The following ROBO1 variants were observed in gnomAD, a reference collection of about 807,000 sequenced individuals.
The protein encoded by ROBO1 is roundabout homolog 1.
Under a neutral mutation model 195.9 loss-of-function variants are expected in ROBO1, and 149 were observed. The ratio of observed to expected loss-of-function variants is 0.76; its 90% CI spans 0.67 to 0.87. ROBO1 has a LOEUF of 0.87. ROBO1 is among the 40% of genes least tolerant of loss of function. ROBO1 has a pLI of 0.00. For synonymous variants in ROBO1, 816 were observed against 733.2 expected, an observed-to-expected ratio of 1.11 and a Z score of -1.82; for missense variants, 1,933 against 2,068.3, an observed-to-expected ratio of 0.93 and a Z score of 1.27.
At chr3:79,513,050 A>G (rs1940784743) in intron 2 of ROBO1, among the ~76,000 whole-genome samples, 1 of 152,170 alleles carries the variant, frequency 6.6e-6, no homozygotes, top group Admixed American at 6.5e-5. Context: ...TCAAAATCTC[A>G]TTTCAGATTA....
At chr3:79,051,937 C>T (rs1295395675) in intron 3 of ROBO1, among the ~76,000 whole-genome samples, 1 of 151,994 alleles carries the variant, frequency 6.6e-6, no homozygotes, top group Non-Finnish European at 1.5e-5. Flanking sequence ...TGTATGTTGC[C>T]TCAGGACCCT....
At position 79,620,114 on chromosome 3, in the gene ROBO1, G is replaced by A. The variant is rs560529163; in HGVS notation, c.-50-30153C>T. Among the ~76,000 whole-genome samples, 14 of 152,298 alleles carry A rather than the reference G, an allele frequency of 9.2e-5. No individual in the cohort carries two copies. In the East Asian group the frequency reaches 2.7e-3, roughly 29 times the overall value. On this transcript the variant is annotated intron_variant, in intron 1 of 30. Coordinates refer to ENST00000464233, the MANE Select transcript of ROBO1 (RefSeq NM_002941.4). Reference sequence around the variant, plus strand: ...CAAGTGCCAGAAATCTGGCCACTGGGCCAAGGAATGTCAACAGCCCAGGAT... The same window carrying A: ...CAAGTGCCAGAAATCTGGCCACTGGACCAAGGAATGTCAACAGCCCAGGAT...
At chr3:79,396,173 A>G (rs1403832472) in intron 2 of ROBO1, among the ~76,000 whole-genome samples, 1 of 152,158 alleles carries the variant, frequency 6.6e-6, no homozygotes, top group Non-Finnish European at 1.5e-5. Flanking sequence ...AAACCAAGGA[A>G]CAGCAGTATG....
At chr3:79,647,281 C>G (rs1403194440) in intron 1 of ROBO1, among the ~76,000 whole-genome samples, 1 of 151,832 alleles carries the variant, frequency 6.6e-6, no homozygotes, top group Non-Finnish European at 1.5e-5. Flanking sequence ...AACTAGAGTA[C>G]CTGAAAGCTC....
intron 2 of ROBO1, among the ~76,000 whole-genome samples, chr3:79,509,390 C>T (rs1940578484): frequency 6.6e-6 from 1 of 152,078 alleles, no homozygotes; most frequent in African/African-American, 2.4e-5. Context: ...AACTTAAAGA[C>T]TGTATCCTGT....
intron 1 of ROBO1, among the ~76,000 whole-genome samples, chr3:79,642,214 G>C (rs1354245181): frequency 1.3e-5 from 2 of 152,098 alleles, no homozygotes; most frequent in Non-Finnish European, 2.9e-5. Flanking sequence ...CAGATTATTT[G>C]AAAATACACA....
intron 29 of ROBO1, among the ~76,000 whole-genome samples, chr3:78,603,281 G>A (rs1469779079): frequency 3.3e-5 from 5 of 151,798 alleles, no homozygotes; most frequent in South Asian, 2.1e-4. Flanking sequence ...ATAGACCTTC[G>A]GGCTTTTTAT....
chr3:78,655,236 A>G (rs1706930750), intron 18 of ROBO1, among the ~76,000 whole-genome samples: 1 of 152,206 alleles, frequency 6.6e-6, no homozygotes, highest in South Asian at 2.1e-4. Flanking sequence ...TGGCTATGAT[A>G]GAGACAGCAA....
intron 3 of ROBO1, among the ~76,000 whole-genome samples, chr3:79,054,028 A>G (rs2078755211): frequency 6.6e-6 from 1 of 152,104 alleles, no homozygotes; most frequent in South Asian, 2.1e-4. Context: ...CTTCCTTTAG[A>G]CTGGGACCTT....
At position 78,639,871 on chromosome 3, in the gene ROBO1, A is replaced by C. The variant is rs1705827587; in HGVS notation, c.2910T>G (p.Pro970=). 5.6e-6 allele frequency: 9 copies of C among 1,607,130 alleles called. No individual in the cohort carries two copies. The highest frequency in any genetic ancestry group is 7.7e-6 in the Non-Finnish European group (9 of 1,175,794). The change falls in exon 22 of 31, where the codon CCT becomes CCG. Residue 970 remains proline, a synonymous_variant. Transcript: ENST00000464233. ...TGTCTGCCAGCCATGGCTGCGCGGC[A>C]GGTTCACTGATGTTGAGAAGTCCAG... ...GRPGLLNISE[P]AAQPWLADTW...
Position 78,729,402 on chromosome 3 carries a change from TAGAA to T in ROBO1, c.658-11523_658-11520del, listed in dbSNP as rs375313337. Reference sequence around the variant, plus strand: ...GATTCCTAATTTTAATAAGTAATAATAGAAAGAAGTAACACAGCCCTCTTTAAAC... The same window carrying T: ...GATTCCTAATTTTAATAAGTAATAATAGAAGTAACACAGCCCTCTTTAAAC... On this transcript the variant is annotated intron_variant, in intron 5 of 30. Coordinates refer to ENST00000464233, the MANE Select transcript of ROBO1 (RefSeq NM_002941.4). Among the ~76,000 whole-genome samples the T allele has an allele frequency of 1.2e-3, 184 of 152,272 alleles. 2 individuals carry two copies. Among genetic ancestry groups the T allele is most frequent in the African/African-American group, 4.0e-3 (166 of 41,548 alleles).
At chr3:79,178,693 C>T (rs1183831702) in intron 2 of ROBO1, among the ~76,000 whole-genome samples, 3 of 152,194 alleles carry the variant, frequency 2.0e-5, no homozygotes, top group Non-Finnish European at 4.4e-5. Flanking sequence ...CTGCCAGGAG[C>T]TGCTGGGCCT....
intron 2 of ROBO1, among the ~76,000 whole-genome samples, chr3:79,172,072 C>T (rs1470732297): frequency 1.3e-5 from 2 of 152,040 alleles, no homozygotes; most frequent in African/African-American, 4.8e-5. Flanking sequence ...GAGACTTCAA[C>T]AATAACAAGA....
rs2033107772 is a variant in ROBO1, at chr3:78,840,539, C to T, written c.500-93639G>A. ...ATTCACATTTTAAAGATGAGAAAGC[C>T]AAGGCAAGAGGTCGCATTTGCAAGC... On this transcript the variant is annotated intron_variant, in intron 4 of 30. Transcript: ENST00000464233. Among the ~76,000 whole-genome samples, 4 of 152,030 alleles carry T rather than the reference C, an allele frequency of 2.6e-5. No homozygotes were observed. In the South Asian group the frequency reaches 8.3e-4, roughly 32 times the overall value.
At chr3:79,214,828 T>TATATATA (rs1316521600) in intron 2 of ROBO1, among the ~76,000 whole-genome samples, 1 of 114,962 alleles carries the variant, frequency 8.7e-6, no homozygotes, top group South Asian at 2.5e-4. Context: ...ATATATATAT[T>TATATATA]TTTTTTTTTT....
chr3:79,531,412 C>T (rs1006612135), intron 2 of ROBO1, among the ~76,000 whole-genome samples: 6 of 152,094 alleles, frequency 3.9e-5, no homozygotes, highest in African/African-American at 1.4e-4. Flanking sequence ...CACTTGAGGT[C>T]GGATTTCAAG....
intron 4 of ROBO1, among the ~76,000 whole-genome samples, chr3:78,818,737 T>C (rs1326687689): frequency 6.6e-6 from 1 of 152,176 alleles, no homozygotes; most frequent in African/African-American, 2.4e-5. Flanking sequence ...TTCCTCGGCC[T>C]TGGCTTCCGG....
chr3:78,667,038 T>A (rs1398267646), intron 14 of ROBO1, among the ~76,000 whole-genome samples: 1 of 152,116 alleles, frequency 6.6e-6, no homozygotes, highest in Non-Finnish European at 1.5e-5. Flanking sequence ...GTGATTTTTT[T>A]CCAAAAATAA....
intron 25 of ROBO1, among the ~76,000 whole-genome samples, chr3:78,629,319 A>G (rs1375863587): frequency 6.6e-6 from 1 of 151,910 alleles, no homozygotes; most frequent in African/African-American, 2.4e-5. Context: ...AAAAAAACCT[A>G]TATTCACTTA....
Sources: gnomAD v4.1 joint callset for allele counts (sites outside exome capture counted in the v4.1 genomes callset) on GRCh38, gnomAD v4.1.1 for gene constraint, MANE v1.5 for transcripts, NCBI Gene and HGNC (gene_info 2026-07-23, HGNC 2026-07-21) for gene names.